The following WWOX variants were observed in gnomAD, a reference collection of about 807,000 sequenced individuals.
WWOX encodes WW domain-containing oxidoreductase.
WWOX carries 69 observed loss-of-function variants against 46.2 expected under a neutral mutation model. The observed-to-expected ratio is 1.49, with a 90% CI of 1.23 to 1.82. The LOEUF is 1.82. WWOX is among the 40% of genes most tolerant of loss of function. The probability of loss-of-function intolerance (pLI) is 0.00; values close to 1 mark genes in which losing one functional copy is unlikely to be tolerated. For synonymous variants in WWOX, 359 were observed against 202.6 expected (o/e 1.77, Z -6.56); for missense variants, 919 against 542.6 (o/e 1.69, Z -6.89).
intron 8 of WWOX, among the ~76,000 whole-genome samples, chr16:78,789,386 A>G (rs1209546766): frequency 7.9e-5 from 12 of 152,196 alleles, no homozygotes; most frequent in Non-Finnish European, 1.6e-4. Context: ...TTGTCCCAGA[A>G]GCATTGATTA....
chr16:78,752,586 A>G (rs1407852962), intron 8 of WWOX, among the ~76,000 whole-genome samples: 2 of 152,212 alleles, frequency 1.3e-5, no homozygotes, highest in East Asian at 3.9e-4. Flanking sequence ...TATTCTTTCT[A>G]ATATGATTTA....
chr16:79,070,290 G>A (rs987544273), intron 8 of WWOX, among the ~76,000 whole-genome samples: 1 of 152,014 alleles, frequency 6.6e-6, no homozygotes, highest in African/African-American at 2.4e-5. Flanking sequence ...GTGTGTGTGT[G>A]TGTGTGTGTG....
At chr16:78,626,768 A>T (rs1375734223) in intron 8 of WWOX, among the ~76,000 whole-genome samples, 1 of 152,144 alleles carries the variant, frequency 6.6e-6, no homozygotes, top group African/African-American at 2.4e-5. Context: ...TCTGCATGGA[A>T]TATTTGTGTC....
Position 78,552,827 on chromosome 16 carries a change from T to C in WWOX, c.1056+120075T>C, listed in dbSNP as rs548137490. On this transcript the variant is annotated intron_variant, in intron 8 of 8. Transcript: ENST00000566780. ...TCTGTTTTAACAGGTTTTATTCTTA[T>C]TGTGGTATGGTAAGGCCAAGATGAG... is the stretch of plus-strand genomic sequence containing the variant. 8 of 152,382 alleles carry C rather than the reference T, an allele frequency of 5.2e-5. No homozygotes were observed. The South Asian group carries it at 6.2e-4, about 12-fold the overall frequency. 9.4% of individuals were successfully genotyped at this position (152,382 alleles called of 1,614,324 possible). A position where few individuals can be genotyped will look rare whatever the true frequency, so the allele number is the denominator to read the frequency against.
At chr16:79,139,705 C>T (rs1460324116) in intron 8 of WWOX, among the ~76,000 whole-genome samples, 1 of 151,706 alleles carries the variant, frequency 6.6e-6, no homozygotes, top group Non-Finnish European at 1.5e-5. Context: ...AGGGTGTTTG[C>T]TTATGAAAGC....
At chr16:78,306,326 G>A (rs1401800658) in intron 5 of WWOX, among the ~76,000 whole-genome samples, 2 of 152,116 alleles carry the variant, frequency 1.3e-5, no homozygotes, top group African/African-American at 4.8e-5. Context: ...TGTTCCCAGT[G>A]TGTTTCCATG....
intron 5 of WWOX, among the ~76,000 whole-genome samples, chr16:78,281,427 C>T (rs1316055969): frequency 6.6e-6 from 1 of 152,154 alleles, no homozygotes; most frequent in Non-Finnish European, 1.5e-5. Flanking sequence ...TCAGGAGTTT[C>T]CTCTTACACA....
chr16:78,511,469 A>G (rs374077749), intron 8 of WWOX, among the ~76,000 whole-genome samples: 2 of 152,268 alleles, frequency 1.3e-5, no homozygotes, highest in Non-Finnish European at 2.9e-5. Flanking sequence ...TGTGAAGGTC[A>G]GTAGTACTTC....
chr16:78,445,026 TA>T (rs1412132779), intron 8 of WWOX, among the ~76,000 whole-genome samples: 147 of 150,494 alleles, frequency 9.8e-4, no homozygotes, highest in Non-Finnish European at 1.5e-3. Flanking sequence ...AAACCTGCAC[TA>T]AAACTTGTTG....
At chr16:79,091,590 G>A (rs1405900372) in intron 8 of WWOX, among the ~76,000 whole-genome samples, 1 of 152,044 alleles carries the variant, frequency 6.6e-6, no homozygotes, top group African/African-American at 2.4e-5. Context: ...AACAATCTGG[G>A]GGAACTGTGC....
chr16:78,412,938 CCT>C (rs1442127756), intron 6 of WWOX, among the ~76,000 whole-genome samples: 1 of 151,914 alleles, frequency 6.6e-6, no homozygotes, highest in East Asian at 1.9e-4. Context: ...TCTTTTTTAC[CCT>C]CTTTGTTTTC....
At chr16:79,139,863 C>T (rs777928088) in intron 8 of WWOX, among the ~76,000 whole-genome samples, 5 of 152,304 alleles carry the variant, frequency 3.3e-5, no homozygotes, top group East Asian at 1.9e-4. Flanking sequence ...AATTCTGTTA[C>T]GTGTTATGGC....
At chr16:78,722,000 G>C (rs149858702) in intron 8 of WWOX, among the ~76,000 whole-genome samples, 1 of 152,142 alleles carries the variant, frequency 6.6e-6, no homozygotes, top group Admixed American at 6.5e-5. Context: ...TAGCATCCAG[G>C]CACTTTCTTT....
chr16:79,094,596 C>T (rs188236017), intron 8 of WWOX, among the ~76,000 whole-genome samples: 1 of 152,174 alleles, frequency 6.6e-6, no homozygotes, highest in East Asian at 1.9e-4. Flanking sequence ...CAACAAACTG[C>T]ATCAGAGTAA....
At chr16:78,524,809 A>G (rs1443004511) in intron 8 of WWOX, among the ~76,000 whole-genome samples, 2 of 68,492 alleles carry the variant, frequency 2.9e-5, no homozygotes, top group Non-Finnish European at 3.0e-5. Flanking sequence ...AACTATTTTG[A>G]TTTTTTATGG....
intron 8 of WWOX, among the ~76,000 whole-genome samples, chr16:79,154,725 G>T (rs987686122): frequency 6.6e-6 from 1 of 152,150 alleles, no homozygotes; most frequent in Non-Finnish European, 1.5e-5. Context: ...TGTGGATGGA[G>T]CCAGTTAAAC....
At chr16:79,009,254 A>G (rs1019637001) in intron 8 of WWOX, among the ~76,000 whole-genome samples, 1 of 152,214 alleles carries the variant, frequency 6.6e-6, no homozygotes, top group Non-Finnish European at 1.5e-5. Context: ...TTTGGGCACT[A>G]TAGCCTTAAA....
chr16:78,816,413 T>C (rs2051331207), intron 8 of WWOX, among the ~76,000 whole-genome samples: 1 of 152,034 alleles, frequency 6.6e-6, no homozygotes, highest in Non-Finnish European at 1.5e-5. Context: ...CAAGTGTGTT[T>C]AATGTGAAAA....
At chr16:78,942,276 C>G (rs572042416) in intron 8 of WWOX, among the ~76,000 whole-genome samples, 1 of 152,196 alleles carries the variant, frequency 6.6e-6, no homozygotes, top group South Asian at 2.1e-4. Context: ...CTCGTGCTGC[C>G]AAGCCATCTT....
Sources: allele counts gnomAD v4.1 joint callset (sites outside exome capture counted in the v4.1 genomes callset), GRCh38; gene constraint gnomAD v4.1.1; transcripts MANE v1.5; gene names NCBI Gene and HGNC (gene_info 2026-07-23, HGNC 2026-07-21).